The following BAZ2B variants were observed in gnomAD, a reference collection of about 807,000 sequenced individuals.
The protein encoded by BAZ2B is bromodomain adjacent to zinc finger domain protein 2B.
BAZ2B carries 91 observed loss-of-function variants against 246.0 expected under a neutral mutation model. That is an observed-to-expected ratio of 0.37 (90% CI 0.31 to 0.44). The LOEUF is 0.44. BAZ2B is among the 20% of genes least tolerant of loss of function. BAZ2B has a pLI of 1.00. For synonymous variants in BAZ2B, 855 were observed against 860.0 expected, an observed-to-expected ratio of 0.99 and a Z score of 0.10; for missense variants, 2,332 against 2,533.7, an observed-to-expected ratio of 0.92 and a Z score of 1.71.
intron 2 of BAZ2B, among the ~76,000 whole-genome samples, chr2:159,517,671 A>C (rs1425046): frequency 0.81 from 123,036 of 152,054 alleles, 50,201 homozygotes; most frequent in Middle Eastern, 0.87. Flanking sequence ...AAATAAAGTT[A>C]TAATGCACTG....
intron 1 of BAZ2B, among the ~76,000 whole-genome samples, chr2:159,610,795 T>C (rs992870601): frequency 3.9e-5 from 6 of 152,088 alleles, no homozygotes; most frequent in Non-Finnish European, 8.8e-5. Context: ...TTACCTTATA[T>C]AGTAAAAATT....
intron 13 of BAZ2B, chr2:159,419,806 G>A (rs973018024): frequency 3.3e-5 from 5 of 152,120 alleles, no homozygotes; most frequent in African/African-American, 9.7e-5. Flanking sequence ...ATAAATTTCC[G>A]GACTTATAGA....
chr2:159,533,199 G>C (rs1327293197), intron 2 of BAZ2B, among the ~76,000 whole-genome samples: 1 of 152,164 alleles, frequency 6.6e-6, no homozygotes, highest in Non-Finnish European at 1.5e-5. Context: ...ATCTAAAGTG[G>C]TATCAAGAGT....
chr2:159,417,138 C>G (rs1460857695), intron 13 of BAZ2B, among the ~76,000 whole-genome samples: 1 of 148,814 alleles, frequency 6.7e-6, no homozygotes, highest in Non-Finnish European at 1.5e-5. Context: ...AGATGATCAA[C>G]AAGATGGAGA....
chr2:159,567,537 G>A (rs566155543), intron 1 of BAZ2B, among the ~76,000 whole-genome samples: 4 of 152,244 alleles, frequency 2.6e-5, no homozygotes, highest in Admixed American at 1.3e-4. Context: ...TTCAGAGTTC[G>A]TCAATGGCAT....
rs377256296 is a variant in BAZ2B at position 159,349,967 on chromosome 2, C to T, written c.4604G>A (p.Gly1535Asp). The T allele has an allele frequency of 8.7e-6, 14 of 1,614,058 alleles. No homozygotes were observed. In the African/African-American group the frequency reaches 1.9e-4, roughly 22 times the overall value. ...GAGAGGACTGTAGAACTTCCCTGGA[C>T]CACTTGAACCAGTATTAAACAGATT... ...SNNLFNTGSSGPGKFYSPLPN... is the reference protein window; with the variant it reads ...SNNLFNTGSSDPGKFYSPLPN... The change falls in exon 28 of 37, where the codon GGT becomes GAT. Residue 1535 changes from glycine (G) to aspartate (D), a missense_variant. By Grantham distance (94) the Gly-to-Asp change is moderately conservative. Transcript: ENST00000392783.
chr2:159,557,884 G>A (rs910341880), intron 1 of BAZ2B, among the ~76,000 whole-genome samples: 7 of 151,940 alleles, frequency 4.6e-5, no homozygotes, highest in African/African-American at 1.5e-4. Flanking sequence ...CTTGGTATAC[G>A]TTTTTAAGTC....
At chr2:159,656,503 C>T in the BAZ2B span, among the ~76,000 whole-genome samples, 181 of 152,262 alleles carry the variant, frequency 1.2e-3, no homozygotes, top group African/African-American at 4.1e-3. Flanking sequence ...CTCTACTTCA[C>T]CCTGAACCCC....
chr2:159,546,402 C>T (rs1167705622), intron 2 of BAZ2B, among the ~76,000 whole-genome samples: 2 of 150,938 alleles, frequency 1.3e-5, no homozygotes, highest in African/African-American at 2.4e-5. Flanking sequence ...TCCCCAGCCA[C>T]GTGGAACTGT....
At chr2:159,393,313 T>C (rs1022072858) in intron 20 of BAZ2B, among the ~76,000 whole-genome samples, 1 of 152,142 alleles carries the variant, frequency 6.6e-6, no homozygotes, top group Non-Finnish European at 1.5e-5. Context: ...AGAGAATGCA[T>C]AGGGAGTGCT....
intron 3 of BAZ2B, among the ~76,000 whole-genome samples, chr2:159,465,897 G>C (rs1193853756): frequency 6.6e-6 from 1 of 150,926 alleles, no homozygotes; most frequent in Non-Finnish European, 1.5e-5. Context: ...CTGGACAACA[G>C]AGTGAGACCC....
At chr2:159,586,209 C>A (rs1259822611) in intron 1 of BAZ2B, among the ~76,000 whole-genome samples, 1 of 152,068 alleles carries the variant, frequency 6.6e-6, no homozygotes. Context: ...AATTATATTA[C>A]AATTATAATT....
the BAZ2B span, among the ~76,000 whole-genome samples, chr2:159,703,939 C>T: frequency 6.6e-6 from 1 of 152,098 alleles, no homozygotes; most frequent in East Asian, 1.9e-4. Context: ...CAACAATCAA[C>T]CACTTCCACC....
intron 14 of BAZ2B, among the ~76,000 whole-genome samples, chr2:159,407,409 T>C (rs937415329): frequency 6.6e-6 from 1 of 151,982 alleles, no homozygotes; most frequent in Admixed American, 6.6e-5. Flanking sequence ...GAGGAAGAGG[T>C]TGCAGTGAGC....
the BAZ2B span, among the ~76,000 whole-genome samples, chr2:159,674,716 TAA>T: frequency 1.8e-4 from 22 of 124,642 alleles, no homozygotes; most frequent in Middle Eastern, 4.7e-3. Context: ...AGCTCCGTCT[TAA>T]AAAAAAAAAA....
intron 2 of BAZ2B, among the ~76,000 whole-genome samples, chr2:159,536,703 T>C (rs2086040304): frequency 6.6e-6 from 1 of 152,240 alleles, no homozygotes; most frequent in Non-Finnish European, 1.5e-5. Flanking sequence ...TCAAAGTTTT[T>C]ACATGGCACA....
At chr2:159,668,543 GC>G in the BAZ2B span, among the ~76,000 whole-genome samples, 4 of 152,086 alleles carry the variant, frequency 2.6e-5, no homozygotes, top group Admixed American at 2.6e-4. Context: ...TTTGTCTACT[GC>G]TTTCTCTTTT....
At chr2:159,419,953 G>T (rs1045679812) in intron 13 of BAZ2B, 1 of 152,120 alleles carries the variant, frequency 6.6e-6, no homozygotes, top group Non-Finnish European at 1.5e-5. Context: ...CACTTAATTC[G>T]AAATAATTAC....
chr2:159,663,100 G>A, the BAZ2B span, among the ~76,000 whole-genome samples: 1 of 151,470 alleles, frequency 6.6e-6, no homozygotes, highest in Non-Finnish European at 1.5e-5. Context: ...CTCCCATTCT[G>A]TTGGTGGTCT....
Sources: gnomAD v4.1 joint callset for allele counts (sites outside exome capture counted in the v4.1 genomes callset) on GRCh38, gnomAD v4.1.1 for gene constraint, MANE v1.5 for transcripts, NCBI Gene and HGNC (gene_info 2026-07-23, HGNC 2026-07-21) for gene names.